GRIK1: variants seen among roughly 807,000 people sequenced by gnomAD.
The protein encoded by GRIK1 is glutamate ionotropic receptor kainate type subunit 1, also known as glutamate receptor ionotropic, kainate 1.
Under a neutral mutation model 105.7 loss-of-function variants are expected in GRIK1, and 69 were observed. The observed-to-expected ratio is 0.65, with a 90% CI of 0.54 to 0.80. The LOEUF is 0.80. Ranked by LOEUF, GRIK1 falls within the 30% of genes least tolerant of loss-of-function variation. The pLI is 0.00. For synonymous variants in GRIK1, 438 were observed against 431.3 expected (o/e 1.02, Z -0.19); for missense variants, 1,109 against 1,167.3 (o/e 0.95, Z 0.73).
intron 1 of GRIK1, among the ~76,000 whole-genome samples, chr21:29,907,308 A>C (rs1248300715): frequency 6.6e-6 from 1 of 152,146 alleles, no homozygotes; most frequent in Non-Finnish European, 1.5e-5. Context: ...TTGAAAACTC[A>C]AGTGTGTGCC....
intron 1 of GRIK1, among the ~76,000 whole-genome samples, chr21:29,796,987 AG>A (rs1439542318): frequency 7.0e-6 from 1 of 143,642 alleles, no homozygotes; most frequent in East Asian, 2.0e-4. Flanking sequence ...AAAAAAAAAA[AG>A]AAAAACCCAC....
intron 1 of GRIK1, among the ~76,000 whole-genome samples, chr21:29,715,683 C>T (rs1258391744): frequency 5.4e-5 from 8 of 148,514 alleles, no homozygotes; most frequent in African/African-American, 1.7e-4. Flanking sequence ...GTTGGACCAT[C>T]TAGAATGTCG....
chr21:29,664,360 T>C (rs1057369947), intron 4 of GRIK1, among the ~76,000 whole-genome samples: 1 of 152,200 alleles, frequency 6.6e-6, no homozygotes, highest in Non-Finnish European at 1.5e-5. Context: ...CTAATGACAA[T>C]GATAATCTCT....
intron 1 of GRIK1, among the ~76,000 whole-genome samples, chr21:29,849,954 T>TA (rs536739137): frequency 1.2e-4 from 18 of 152,272 alleles, no homozygotes; most frequent in Non-Finnish European, 2.4e-4. Flanking sequence ...TTACTGGAGA[T>TA]ACTCTCTCTC....
intron 1 of GRIK1, among the ~76,000 whole-genome samples, chr21:29,823,016 G>T (rs969048337): frequency 6.6e-6 from 1 of 151,930 alleles, no homozygotes; most frequent in African/African-American, 2.4e-5. Flanking sequence ...ACCTGAATCT[G>T]CCACTTCATG....
intron 7 of GRIK1, among the ~76,000 whole-genome samples, chr21:29,620,082 C>G (rs2832412): frequency 0.061 from 9,236 of 152,206 alleles, 376 homozygotes; most frequent in African/African-American, 0.11. Context: ...AAGCTTGGCT[C>G]CTTATAAAGA....
Position 29,654,849 on chromosome 21 carries a change from G to A in GRIK1, c.741C>T (p.Gly247=). 1 of 1,581,642 alleles carries A rather than the reference G, an allele frequency of 6.3e-7. No individual in the cohort carries two copies. The highest frequency in any genetic ancestry group is 8.7e-7 in the Non-Finnish European group (1 of 1,150,340). ...AEILKQILFM[G]MMTEYYHYFF... ...AGTAGTGATAGTACTCGGTCATCAT[G>A]CCCATGAACAGAATCTGCAAAAGAG... is the stretch of plus-strand genomic sequence containing the variant. Residue 247 remains glycine (G), a synonymous_variant, in exon 5 of 18, where the codon GGC becomes GGT. Transcript: ENST00000327783.
intron 6 of GRIK1, among the ~76,000 whole-genome samples, chr21:29,643,275 A>G (rs2062552538): frequency 1.3e-5 from 2 of 152,246 alleles, no homozygotes. Flanking sequence ...CCTCCATGTT[A>G]AGCATGGTGT....
intron 7 of GRIK1, among the ~76,000 whole-genome samples, chr21:29,635,219 A>G (rs1419287003): frequency 6.6e-6 from 1 of 152,218 alleles, no homozygotes; most frequent in African/African-American, 2.4e-5. Flanking sequence ...TAAAATGGGT[A>G]TCAGGACACC....
chr21:29,791,581 T>A (rs911969230), intron 1 of GRIK1, among the ~76,000 whole-genome samples: 3 of 152,170 alleles, frequency 2.0e-5, no homozygotes, highest in Admixed American at 6.6e-5. Flanking sequence ...GATGTTGAAC[T>A]GTATGAAAAG....
At chr21:29,732,094 C>A (rs2064643030) in intron 1 of GRIK1, among the ~76,000 whole-genome samples, 2 of 152,142 alleles carry the variant, frequency 1.3e-5, no homozygotes, top group African/African-American at 4.8e-5. Flanking sequence ...AAGCACTTTC[C>A]ATGAACTCTT....
At position 29,707,454 on chromosome 21, in the gene GRIK1, C is replaced by CCCTCCCTTCCTTCCTTCCTTCCTTCCTT. The variant is rs1199908885; in HGVS notation, c.119-13392_119-13391insAAGGAAGGAAGGAAGGAAGGAAGGGAGG. Among the ~76,000 whole-genome samples, 75 of 88,486 alleles carry CCCTCCCTTCCTTCCTTCCTTCCTTCCTT rather than the reference C, an allele frequency of 8.5e-4. 2 individuals carry two copies. Among genetic ancestry groups the CCCTCCCTTCCTTCCTTCCTTCCTTCCTT allele is most frequent in the Admixed American group, 3.5e-3 (28 of 7,902 alleles). The allele number at this position is 88,486 out of a possible 152,430, so 58.1% of individuals were successfully genotyped here. A position where few individuals can be genotyped will look rare whatever the true frequency, so the allele number is the denominator to read the frequency against. On this transcript the variant is annotated intron_variant, in intron 1 of 17. Transcript: ENST00000327783. ...TTCCTCCCTCCCTCCCTCCCTCCCT[C>CCCTCCCTTCCTTCCTTCCTTCCTTCCTT]CCTCCCTCCCTCCCTCCCTCTCTCT... is the stretch of plus-strand genomic sequence containing the variant.
In GRIK1 at chr21:29,602,618, C is replaced by T. The variant is rs558278529; in HGVS notation, c.1099-3681G>A. Among the ~76,000 whole-genome samples the T allele has an allele frequency of 1.2e-3, 186 of 152,126 alleles. 14 individuals carry two copies. Among genetic ancestry groups the T allele is most frequent in the Middle Eastern group, 3.4e-3 (1 of 294 alleles). ...TCCTGAAGGCAAGAATGCCTGAGCT[C>T]ACAAAGGATAAGTCCACCAAGCAAA... On this transcript the variant is annotated intron_variant, in intron 7 of 17. Coordinates refer to ENST00000327783, the MANE Select transcript of GRIK1 (RefSeq NM_001330994.2).
At chr21:29,902,524 G>T (rs145391837) in intron 1 of GRIK1, among the ~76,000 whole-genome samples, 143 of 152,262 alleles carry the variant, frequency 9.4e-4, no homozygotes, top group Non-Finnish European at 3.2e-4. Flanking sequence ...GCCAAATCAT[G>T]AGTGAACTCT....
intron 7 of GRIK1, among the ~76,000 whole-genome samples, 175 bp from the exon 8 acceptor site, chr21:29,599,112 T>G (rs2061470708): frequency 6.6e-6 from 1 of 152,248 alleles, no homozygotes; most frequent in Non-Finnish European, 1.5e-5. Context: ...CGTCTTTTTA[T>G]TAGCACTCAT....
intron 15 of GRIK1, among the ~76,000 whole-genome samples, chr21:29,556,243 C>G (rs1294766157): frequency 6.6e-6 from 1 of 152,190 alleles, no homozygotes; most frequent in African/African-American, 2.4e-5. Context: ...CATAAATATT[C>G]ATAGCTCCGC....
intron 1 of GRIK1, among the ~76,000 whole-genome samples, chr21:29,712,390 C>G (rs909549576): frequency 2.6e-5 from 4 of 151,786 alleles, no homozygotes; most frequent in African/African-American, 9.7e-5. Context: ...TTCCTTAGTT[C>G]TTTTATATAA....
intron 7 of GRIK1, among the ~76,000 whole-genome samples, chr21:29,632,705 G>C (rs2062309096): frequency 6.6e-6 from 1 of 152,146 alleles, no homozygotes; most frequent in Admixed American, 6.5e-5. Context: ...ATGTGGGGTA[G>C]AACCAGGACA....
At chr21:29,847,888 T>G (rs939927453) in intron 1 of GRIK1, among the ~76,000 whole-genome samples, 3 of 151,496 alleles carry the variant, frequency 2.0e-5, no homozygotes, top group Non-Finnish European at 4.4e-5. Context: ...TGCAACACTA[T>G]TGTTTCTCTC....
Sources: gnomAD v4.1 joint callset for allele counts (sites outside exome capture counted in the v4.1 genomes callset) on GRCh38, gnomAD v4.1.1 for gene constraint, MANE v1.5 for transcripts, NCBI Gene and HGNC (gene_info 2026-07-23, HGNC 2026-07-21) for gene names.